Variants in NOD1 observed in about 807,000 individuals in gnomAD.
NOD1 encodes nucleotide binding oligomerization domain containing 1.
In NOD1, 70 loss-of-function variants were observed where a neutral mutation model predicts 81.2. The ratio of observed to expected loss-of-function variants is 0.86; its 90% CI spans 0.71 to 1.05. The LOEUF (loss-of-function observed/expected upper bound fraction) is 1.05. NOD1 is among the 50% of genes least tolerant of loss of function. The pLI, the probability that NOD1 is intolerant of heterozygous loss-of-function variation, is 0.00. For missense variants in NOD1, 1,233 were observed against 1,228.0 expected, an observed-to-expected ratio of 1.00 and a Z score of -0.06; for synonymous variants, 508 against 526.9, an observed-to-expected ratio of 0.96 and a Z score of 0.49.
intron 9 of NOD1, among the ~76,000 whole-genome samples, chr7:30,439,044 T>TCA (rs1354980589): frequency 1.3e-5 from 2 of 152,184 alleles, no homozygotes. Context: ...AGACAGGACC[T>TCA]CACACTCATT....
intron 9 of NOD1, among the ~76,000 whole-genome samples, chr7:30,445,140 T>C (rs1284022770): frequency 8.6e-5 from 6 of 70,062 alleles, no homozygotes; most frequent in African/African-American, 2.2e-4. Flanking sequence ...AGGGATAGCA[T>C]TGGGAGATAT....
intron 8 of NOD1, 106 bp downstream of exon 8, chr7:30,446,861 G>A: frequency 1.1e-6 from 1 of 905,134 alleles, no homozygotes; most frequent in Middle Eastern, 2.2e-4. Flanking sequence ...TGGGACAAGT[G>A]GAAGGCTTTA....
intron 1 of NOD1, among the ~76,000 whole-genome samples, chr7:30,466,767 A>G (rs982243013): frequency 3.9e-5 from 6 of 152,234 alleles, no homozygotes; most frequent in African/African-American, 1.2e-4. Flanking sequence ...TTCAGATACT[A>G]TAACTATTTA....
At chr7:30,454,987 G>A (rs769659945) in intron 5 of NOD1, 150 bp downstream of exon 5, 2 of 739,814 alleles carry the variant, frequency 2.7e-6, no homozygotes, top group Non-Finnish European at 4.4e-6. Context: ...GCTGCACTTG[G>A]GAGACAGGAT....
At position 30,433,082 on chromosome 7, in the gene NOD1, G is replaced by A. The variant is rs1214195616; in HGVS notation, c.2705+14C>T. The A allele has an allele frequency of 7.6e-6, 12 of 1,578,472 alleles. No homozygotes were observed. Among genetic ancestry groups the A allele is most frequent in the Admixed American group, 1.7e-5 (1 of 59,612 alleles). ...AAGTAGCACAGTCTGAAATTGTAAG[G>A]CTCTCTGAGTTACCATAAATGCTTT... On this transcript the variant is annotated intron_variant, in intron 12 of 13. Coordinates refer to ENST00000222823, the MANE Select transcript of NOD1 (RefSeq NM_006092.4).
At chr7:30,457,936 G>A (rs1223978300) in intron 3 of NOD1, among the ~76,000 whole-genome samples, 2 of 152,212 alleles carry the variant, frequency 1.3e-5, no homozygotes. Context: ...CCCTGGGAAA[G>A]GAGGGAAAAG....
At position 30,448,320 on chromosome 7, in the gene NOD1, A is replaced by T. The variant is rs1283040950; in HGVS notation, c.2263T>A (p.Tyr755Asn). 5.0e-6 allele frequency: 8 copies of T among 1,614,030 alleles called. No individual in the cohort carries two copies. Residue 755 changes from tyrosine (Y) to asparagine (N), a missense_variant, in exon 7 of 14, where the codon TAC (tyrosine) becomes AAC (asparagine). Transcript: ENST00000222823. ...TACCCCAAATAGGTCACAATTTTGTATTTGGTCAGCTCTTCGCTTAGCACC... is the reference window on the plus strand; with the variant it reads ...TACCCCAAATAGGTCACAATTTTGTTTTTGGTCAGCTCTTCGCTTAGCACC... ...VKVLSEELTK[Y>N]KIVTYLGLYN...
intron 6 of NOD1, among the ~76,000 whole-genome samples, chr7:30,450,435 T>A (rs528333604): frequency 6.6e-6 from 1 of 152,254 alleles, no homozygotes; most frequent in Admixed American, 6.5e-5. Context: ...AATGCATGAG[T>A]CAAGTAATGG....
At chr7:30,436,874 G>A (rs1784424726) in intron 10 of NOD1, among the ~76,000 whole-genome samples, 2 of 152,084 alleles carry the variant, frequency 1.3e-5, no homozygotes, top group South Asian at 4.1e-4. Flanking sequence ...CCATTACTGG[G>A]TATTTACCCA....
Position 30,425,482 on chromosome 7 carries a change from T to C in NOD1, c.*156A>G, listed in dbSNP as rs1449652126. 7.7e-6 allele frequency: 5 copies of C among 648,976 alleles called. No individual in the cohort carries two copies. Among genetic ancestry groups the C allele is most frequent in the Non-Finnish European group, 5.6e-6 (2 of 358,034 alleles). The allele number at this position is 648,976 out of a possible 1,614,324, so 40.2% of individuals were successfully genotyped here. A position where few individuals can be genotyped will look rare whatever the true frequency, so the allele number is the denominator to read the frequency against. On this transcript the variant is annotated 3_prime_UTR_variant, in exon 14 of 14. Transcript: ENST00000222823. ...CTTAGGGAGTTTGCCGACCAGACCTTCTGCACAGGAAGCTGGCTTGCATCA... is the reference window on the plus strand; with the variant it reads ...CTTAGGGAGTTTGCCGACCAGACCTCCTGCACAGGAAGCTGGCTTGCATCA...
chr7:30,435,962 A>G, intron 11 of NOD1, 36 bp downstream of exon 11: 1 of 1,557,954 alleles, frequency 6.4e-7, no homozygotes, highest in Non-Finnish European at 8.9e-7. Flanking sequence ...TATCACAGAA[A>G]AACAAACAAA....
chr7:30,436,210 G>A (rs1364345279), intron 10 of NOD1, 129 bp from the exon 11 acceptor site: 1 of 698,810 alleles, frequency 1.4e-6, no homozygotes. Flanking sequence ...GGGGCAGGAT[G>A]CAGAAGTGTT....
chr7:30,430,405 T>C (rs1361759457), intron 12 of NOD1, among the ~76,000 whole-genome samples: 1 of 152,208 alleles, frequency 6.6e-6, no homozygotes, highest in East Asian at 1.9e-4. Flanking sequence ...CAAGAGGCTG[T>C]AGTGTCTCCG....
chr7:30,433,922 T>C (rs1477174677), intron 11 of NOD1, among the ~76,000 whole-genome samples: 1 of 152,250 alleles, frequency 6.6e-6, no homozygotes, highest in East Asian at 1.9e-4. Context: ...TGTGCAAGGA[T>C]ATACACACAA....
chr7:30,429,030 C>G (rs984801359), intron 13 of NOD1, among the ~76,000 whole-genome samples: 2 of 152,218 alleles, frequency 1.3e-5, no homozygotes, highest in Non-Finnish European at 2.9e-5. Flanking sequence ...CTCTCAATTG[C>G]TGAGTCCCAG....
chr7:30,462,840 T>G (rs750836464), intron 1 of NOD1, among the ~76,000 whole-genome samples: 8 of 150,780 alleles, frequency 5.3e-5, no homozygotes, highest in Non-Finnish European at 1.2e-4. Context: ...TCCCAGCTAC[T>G]AGGGAGGCTG....
rs1783353681 is a variant in NOD1, at chr7:30,425,336, T to A, written c.*302A>T. On this transcript the variant is annotated 3_prime_UTR_variant, in exon 14 of 14. Coordinates refer to ENST00000222823, the MANE Select transcript of NOD1 (RefSeq NM_006092.4). ...TGGCCTCCTCTGTTTGCTCACAGCT[T>A]TATTCCTCTAGCTTCAGATAAAAAT... The A allele has an allele frequency of 3.0e-6, 1 of 336,896 alleles. No individual in the cohort carries two copies. The highest frequency in any genetic ancestry group is 5.5e-6 in the Non-Finnish European group (1 of 181,794). 20.9% of individuals were successfully genotyped at this position (336,896 alleles called of 1,614,324 possible).
chr7:30,477,426 A>T (rs1258938687), intron 1 of NOD1, among the ~76,000 whole-genome samples: 1 of 152,202 alleles, frequency 6.6e-6, no homozygotes, highest in East Asian at 1.9e-4. Context: ...CCTGAAAGTG[A>T]TAGTTCAATC....
intron 13 of NOD1, among the ~76,000 whole-genome samples, chr7:30,429,076 C>T (rs1783715453): frequency 6.6e-6 from 1 of 152,182 alleles, no homozygotes; most frequent in African/African-American, 2.4e-5. Flanking sequence ...ATTTCACTGG[C>T]CACTTCCCCC....
Sources: allele counts gnomAD v4.1 joint callset (sites outside exome capture counted in the v4.1 genomes callset), GRCh38; gene constraint gnomAD v4.1.1; transcripts MANE v1.5; gene names NCBI Gene and HGNC (gene_info 2026-07-23, HGNC 2026-07-21).